RELN: variants seen among roughly 807,000 people sequenced by gnomAD.
The protein encoded by RELN is reelin.
A neutral mutation model predicts 427.6 loss-of-function variants in RELN; 108 were observed. The observed-to-expected ratio is 0.25, with a 90% confidence interval of 0.22 to 0.30. The LOEUF (loss-of-function observed/expected upper bound fraction) is 0.30. RELN is among the 10% of genes least tolerant of loss of function. The pLI is 1.00. For missense variants in RELN, 3,715 were observed against 4,302.8 expected, an observed-to-expected ratio of 0.86 and a Z score of 3.82; for synonymous variants, 1,524 against 1,513.4, an observed-to-expected ratio of 1.01 and a Z score of -0.16.
At chr7:103,869,936 T>C (rs567048228) in intron 2 of RELN, among the ~76,000 whole-genome samples, 1 of 152,282 alleles carries the variant, frequency 6.6e-6, no homozygotes, top group South Asian at 2.1e-4. Flanking sequence ...TCAAACTCTG[T>C]CGCATTTGAT....
intron 8 of RELN, among the ~76,000 whole-genome samples, chr7:103,712,662 A>T (rs1789834690): frequency 1.3e-5 from 2 of 152,214 alleles, no homozygotes; most frequent in Non-Finnish European, 2.9e-5. Context: ...CTTTCAACTC[A>T]GGTCTTGCTG....
chr7:103,736,196 C>A (rs770116733), intron 6 of RELN, among the ~76,000 whole-genome samples: 3 of 152,188 alleles, frequency 2.0e-5, no homozygotes, highest in Non-Finnish European at 4.4e-5. Flanking sequence ...TTTGTACCTT[C>A]CATTCAAACC....
chr7:103,489,225 T>TGTGTGTGTCC (rs1315911573), intron 60 of RELN, among the ~76,000 whole-genome samples: 4 of 152,050 alleles, frequency 2.6e-5, no homozygotes, highest in Admixed American at 6.5e-5. Flanking sequence ...TGTGTGTGTG[T>TGTGTGTGTCC]GTGTCCGTGT....
chr7:103,876,658 G>C (rs372114704), intron 2 of RELN, among the ~76,000 whole-genome samples: 1 of 152,092 alleles, frequency 6.6e-6, no homozygotes, highest in Admixed American at 6.5e-5. Flanking sequence ...ACTAATCTCC[G>C]TCTAAAAAGT....
At chr7:103,887,613 G>A (rs1289529560) in intron 2 of RELN, among the ~76,000 whole-genome samples, 1 of 152,166 alleles carries the variant, frequency 6.6e-6, no homozygotes, top group Admixed American at 6.5e-5. Flanking sequence ...TATGGCAGAT[G>A]GGATGAGAGA....
chr7:103,516,428 GGC>G (rs2117078905), intron 49 of RELN, among the ~76,000 whole-genome samples: 1 of 152,030 alleles, frequency 6.6e-6, no homozygotes, highest in East Asian at 1.9e-4. Flanking sequence ...TGGGATTACA[GGC>G]GCGCATGCCA....
intron 2 of RELN, among the ~76,000 whole-genome samples, chr7:103,908,433 A>C (rs1364363962): frequency 6.6e-6 from 1 of 152,164 alleles, no homozygotes; most frequent in East Asian, 1.9e-4. Context: ...TGGTTTACAA[A>C]TGCAGACATG....
At chr7:103,494,215 A>G (rs1430025555) in intron 57 of RELN, among the ~76,000 whole-genome samples, 2 of 152,184 alleles carry the variant, frequency 1.3e-5, no homozygotes, top group Admixed American at 6.5e-5. Flanking sequence ...AGAGTTTAAC[A>G]TAGAGCTGAG....
rs574865864 is a variant in RELN, at chr7:103,682,622, G to A, written c.1144-361C>T. Among the ~76,000 whole-genome samples the A allele has an allele frequency of 3.5e-4, 53 of 152,130 alleles. 1 individual carries two copies. The highest frequency in any genetic ancestry group is 3.4e-3 in the Middle Eastern group (1 of 294). The stretch of plus-strand genomic sequence containing the variant: ...ATGTATTTCAAATTCTGTGGTTATC[G>A]GCTAAATAGCATTGACCTTTTCAAT... On this transcript the variant is annotated intron_variant, in intron 10 of 64. Coordinates refer to ENST00000428762, the MANE Select transcript of RELN (RefSeq NM_005045.4).
In RELN at chr7:103,602,796, G is replaced by A. The variant is rs1002071869; in HGVS notation, c.3333+508C>T. On this transcript the variant is annotated intron_variant, in intron 24 of 64. Transcript: ENST00000428762. ...GTATACCTATGTAACAAACCTGCAC[G>A]TTCTGCACATGTACCCCAGAACTTA... Among the ~76,000 whole-genome samples, 5 of 151,962 alleles carry A rather than the reference G, an allele frequency of 3.3e-5. No individual in the cohort carries two copies. In the South Asian group the frequency reaches 8.3e-4, roughly 25 times the overall value.
chr7:103,745,056 G>A (rs1235477084), intron 6 of RELN, among the ~76,000 whole-genome samples: 1 of 152,164 alleles, frequency 6.6e-6, no homozygotes, highest in East Asian at 1.9e-4. Context: ...ACATCGAAAA[G>A]CTTATCCACC....
intron 1 of RELN, among the ~76,000 whole-genome samples, chr7:103,967,237 G>A (rs1448850811): frequency 6.6e-6 from 1 of 152,102 alleles, no homozygotes; most frequent in African/African-American, 2.4e-5. Context: ...CTGCCAGCCT[G>A]CTTCTGCTCC....
At chr7:103,632,343 G>A (rs1832488517) in intron 19 of RELN, among the ~76,000 whole-genome samples, 2 of 152,214 alleles carry the variant, frequency 1.3e-5, no homozygotes, top group South Asian at 4.1e-4. Context: ...AGTACCCAGA[G>A]CAGTATCTGG....
chr7:103,660,103 C>T (rs1050752493), intron 12 of RELN, among the ~76,000 whole-genome samples: 9 of 151,996 alleles, frequency 5.9e-5, no homozygotes, highest in African/African-American at 9.7e-5. Context: ...ATGACTTAAT[C>T]TCATATAAAT....
chr7:103,770,352 G>A (rs1791534104), intron 4 of RELN, among the ~76,000 whole-genome samples: 2 of 152,128 alleles, frequency 1.3e-5, no homozygotes, highest in African/African-American at 4.8e-5. Context: ...CCAAAGTGTT[G>A]GGATTACAGG....
intron 3 of RELN, among the ~76,000 whole-genome samples, chr7:103,783,163 TC>T (rs67948316): frequency 0.36 from 43,744 of 120,360 alleles, 6,625 homozygotes; most frequent in East Asian, 0.51. Flanking sequence ...TCTCTTTCTT[TC>T]TTTTTTTTTT....
chr7:103,967,180 A>T (rs563304115), intron 1 of RELN, among the ~76,000 whole-genome samples: 136 of 152,246 alleles, frequency 8.9e-4, no homozygotes, highest in African/African-American at 3.1e-3. Context: ...TAGAGGCAGG[A>T]TTCTAACCCA....
At chr7:103,607,958 C>A (rs894534699) in intron 22 of RELN, among the ~76,000 whole-genome samples, 1 of 152,142 alleles carries the variant, frequency 6.6e-6, no homozygotes, top group Non-Finnish European at 1.5e-5. Context: ...AATTTCTCTA[C>A]GCAGGTACAT....
intron 19 of RELN, among the ~76,000 whole-genome samples, chr7:103,631,404 C>T (rs1415000006): frequency 2.1e-5 from 3 of 143,966 alleles, no homozygotes; most frequent in African/African-American, 7.7e-5. Context: ...AGTGATTATC[C>T]TGCCTCAGCC....
Sources: allele counts gnomAD v4.1 joint callset (sites outside exome capture counted in the v4.1 genomes callset), GRCh38; gene constraint gnomAD v4.1.1; transcripts MANE v1.5; gene names NCBI Gene and HGNC (gene_info 2026-07-23, HGNC 2026-07-21).